KLF12: variants seen among roughly 807,000 people sequenced by gnomAD.
KLF12 encodes the protein KLF transcription factor 12, also known as Krueppel-like factor 12.
KLF12 carries 9 observed loss-of-function variants against 37.8 expected under a neutral mutation model. The ratio of observed to expected loss-of-function variants is 0.24; its 90% CI spans 0.14 to 0.42. The LOEUF (loss-of-function observed/expected upper bound fraction) is 0.42. KLF12 is among the 10% of genes least tolerant of loss of function. The probability of loss-of-function intolerance (pLI) is 1.00; values close to 1 mark genes in which losing one functional copy is unlikely to be tolerated. For missense variants in KLF12, 411 were observed against 516.0 expected (o/e 0.80, Z 1.97); for synonymous variants, 208 against 202.1 (o/e 1.03, Z -0.25).
intron 3 of KLF12, among the ~76,000 whole-genome samples, chr13:73,937,895 T>C (rs1278863868): frequency 6.6e-6 from 1 of 152,140 alleles, no homozygotes; most frequent in Non-Finnish European, 1.5e-5. Context: ...CAAGAGCAGA[T>C]ATTTCTTTCC....
chr13:74,251,538 G>A, the KLF12 span, among the ~76,000 whole-genome samples: 5 of 152,078 alleles, frequency 3.3e-5, no homozygotes, highest in Non-Finnish European at 5.9e-5. Context: ...ATTCCACTGA[G>A]GTCTGATGTG....
At chr13:74,160,211 C>CT in the KLF12 span, among the ~76,000 whole-genome samples, 7 of 152,244 alleles carry the variant, frequency 4.6e-5, no homozygotes, top group South Asian at 1.2e-3. Context: ...ATAATTTCTT[C>CT]TTTAGTGTAC....
intron 1 of KLF12, among the ~76,000 whole-genome samples, chr13:73,999,741 AAAAAACAAAAAC>A (rs200435745): frequency 6.6e-6 from 1 of 151,610 alleles, no homozygotes; most frequent in African/African-American, 2.4e-5. Flanking sequence ...CTCCATCTCA[AAAAAACAAAAAC>A]AAAAACAAAA....
At chr13:74,120,511 T>C (rs1566221834) in intron 1 of KLF12, among the ~76,000 whole-genome samples, 1 of 151,806 alleles carries the variant, frequency 6.6e-6, no homozygotes, top group African/African-American at 2.4e-5. Flanking sequence ...ATTATTTAGG[T>C]AAAGAAAGAA....
the KLF12 span, chr13:74,256,871 C>G: frequency 6.6e-6 from 1 of 152,148 alleles, no homozygotes; most frequent in Non-Finnish European, 1.5e-5. Context: ...GTCACTGTCC[C>G]TGAAGACATA....
chr13:73,972,353 C>T (rs979297993), intron 2 of KLF12, among the ~76,000 whole-genome samples: 2 of 151,876 alleles, frequency 1.3e-5, no homozygotes, highest in Non-Finnish European at 2.9e-5. Context: ...CTTCAAAGTT[C>T]GACTCCCTAT....
At chr13:74,173,705 G>A in the KLF12 span, among the ~76,000 whole-genome samples, 1 of 152,196 alleles carries the variant, frequency 6.6e-6, no homozygotes, top group Admixed American at 6.5e-5. Flanking sequence ...TCCTGTTGGG[G>A]TTTGAGACAT....
intron 7 of KLF12, among the ~76,000 whole-genome samples, chr13:73,698,152 G>A (rs1437662279): frequency 2.0e-5 from 3 of 148,736 alleles, no homozygotes; most frequent in South Asian, 2.2e-4. Flanking sequence ...GTATGACCCC[G>A]AAAGAAAGAA....
the KLF12 span, among the ~76,000 whole-genome samples, chr13:74,293,298 C>T: frequency 6.6e-6 from 1 of 152,064 alleles, no homozygotes; most frequent in South Asian, 2.1e-4. Context: ...GCTGGTGTAC[C>T]CTTTCTGAGG....
At chr13:74,276,009 G>T in the KLF12 span, among the ~76,000 whole-genome samples, 1 of 148,632 alleles carries the variant, frequency 6.7e-6, no homozygotes, top group African/African-American at 2.5e-5. Flanking sequence ...TGTGCAGAAC[G>T]TGCAGGTTTC....
At chr13:74,105,667 A>C (rs1876613708) in intron 1 of KLF12, among the ~76,000 whole-genome samples, 1 of 152,152 alleles carries the variant, frequency 6.6e-6, no homozygotes, top group African/African-American at 2.4e-5. Context: ...AAATGGCATT[A>C]TTTGGCTTCC....
intron 2 of KLF12, among the ~76,000 whole-genome samples, chr13:73,963,116 A>G (rs118073739): frequency 0.024 from 3,663 of 152,284 alleles, 63 homozygotes; most frequent in Non-Finnish European, 0.036. Flanking sequence ...CCCTAGCAGT[A>G]AAGAAAATTG....
intron 2 of KLF12, among the ~76,000 whole-genome samples, chr13:73,966,782 G>C (rs559011570): frequency 6.6e-6 from 1 of 152,058 alleles, no homozygotes; most frequent in African/African-American, 2.4e-5. Flanking sequence ...GTAATGTGCC[G>C]GCACTTTACT....
intron 7 of KLF12, among the ~76,000 whole-genome samples, chr13:73,710,468 C>T (rs763340558): frequency 6.6e-6 from 1 of 151,724 alleles, no homozygotes; most frequent in Admixed American, 6.6e-5. Context: ...AGTTTACTGG[C>T]GCCATTTTCC....
At position 73,768,146 on chromosome 13, in the gene KLF12, A is replaced by G. The variant is rs113568319; in HGVS notation, c.807-3146T>C. Among the ~76,000 whole-genome samples, 1,035 of 152,304 alleles carry G rather than the reference A, an allele frequency of 6.8e-3. 6 individuals are homozygous for G. Among genetic ancestry groups the G allele is most frequent in the African/African-American group, 0.022 (922 of 41,568 alleles). On this transcript the variant is annotated intron_variant, in intron 5 of 7. Transcript: ENST00000377669. ...AGCTTCACCGTTTACCAACGGTGTC[A>G]TCTTTGGGCAAGTTATTTAACCTCT...
chr13:73,792,731 TTAA>T (rs1361411637), intron 5 of KLF12, among the ~76,000 whole-genome samples: 4 of 152,214 alleles, frequency 2.6e-5, no homozygotes, highest in African/African-American at 4.8e-5. Context: ...GTGTCATGCC[TTAA>T]TAATAACACA....
intron 1 of KLF12, among the ~76,000 whole-genome samples, chr13:74,038,889 A>C (rs927582971): frequency 6.6e-6 from 1 of 152,082 alleles, no homozygotes; most frequent in African/African-American, 2.4e-5. Context: ...TGTAAAACTT[A>C]GGGACGATAA....
rs1880336350 is a variant in KLF12, at chr13:73,772,504, C to T, written c.807-7504G>A. ...TGAAGGAGGTACACTTTAAAGGATA[C>T]ATTTCTCAGATGTGGAAAAGGAAAG... On this transcript the variant is annotated intron_variant, in intron 5 of 7. Coordinates refer to ENST00000377669, the MANE Select transcript of KLF12 (RefSeq NM_007249.5). Among the ~76,000 whole-genome samples, 6 of 152,282 alleles carry T rather than the reference C, an allele frequency of 3.9e-5. No homozygotes were observed. In the South Asian group the frequency reaches 1.2e-3, roughly 32 times the overall value.
upstream of KLF12, among the ~76,000 whole-genome samples, chr13:74,134,974 GC>G (rs1878488745): frequency 6.6e-6 from 1 of 151,576 alleles, no homozygotes; most frequent in Admixed American, 6.6e-5. Flanking sequence ...CGCGGGGACC[GC>G]CCCTGGGCGC....
Sources: gnomAD v4.1 joint callset for allele counts (sites outside exome capture counted in the v4.1 genomes callset) on GRCh38, gnomAD v4.1.1 for gene constraint, MANE v1.5 for transcripts, NCBI Gene and HGNC (gene_info 2026-07-23, HGNC 2026-07-21) for gene names.